The following CASKIN1 variants were observed in gnomAD, a reference collection of about 807,000 sequenced individuals.
CASKIN1 encodes CASK interacting protein 1, also known as caskin-1.
A neutral mutation model predicts 117.5 loss-of-function variants in CASKIN1; 42 were observed. The ratio of observed to expected loss-of-function variants is 0.36; its 90% CI spans 0.28 to 0.46. The LOEUF (loss-of-function observed/expected upper bound fraction) is 0.46, where lower values mean the gene tolerates loss of function less well. Among genes scored for constraint, CASKIN1 ranks in the 20% least tolerant of loss-of-function variants. CASKIN1 has a pLI of 1.00. For missense variants in CASKIN1, 2,083 were observed against 2,077.3 expected (o/e 1.00, Z -0.05); for synonymous variants, 1,148 against 961.7 (o/e 1.19, Z -3.59).
In CASKIN1 at chr16:2,190,481, A is replaced by C. The variant is rs796193327; in HGVS notation, c.95-123T>G. On this transcript the variant is annotated intron_variant, in intron 1 of 19. Coordinates refer to ENST00000343516, the MANE Select transcript of CASKIN1 (RefSeq NM_020764.4). Reference sequence around the variant, plus strand: ...CAAAGCTGCTGGGCTCTCAGTCTGCAGACACTCACTCGTCCACTCGTGCAC... The same window carrying C: ...CAAAGCTGCTGGGCTCTCAGTCTGCCGACACTCACTCGTCCACTCGTGCAC... 4.7e-6 allele frequency: 4 copies of C among 859,748 alleles called. No individual in the cohort carries two copies. In the South Asian group the frequency reaches 6.1e-5, roughly 13 times the overall value. The allele number at this position is 859,748 out of a possible 1,614,324, so 53.3% of individuals were successfully genotyped here.
At chr16:2,194,372 G>C (rs1280730954) in intron 1 of CASKIN1, among the ~76,000 whole-genome samples, 1 of 152,162 alleles carries the variant, frequency 6.6e-6, no homozygotes, top group African/African-American at 2.4e-5. Context: ...GTGTGCGTGC[G>C]GGCACGGGAG....
chr16:2,189,565 C>CT lies in CASKIN1; in HGVS notation c.245-2dup. 6.3e-7 allele frequency: 1 copy of CT among 1,598,576 alleles called. No individual in the cohort carries two copies. The highest frequency in any genetic ancestry group is 8.5e-7 in the Non-Finnish European group (1 of 1,173,808). On this transcript the variant is annotated splice_acceptor_variant, in intron 3 of 19. Coordinates refer to ENST00000343516, the MANE Select transcript of CASKIN1 (RefSeq NM_020764.4). LOFTEE classifies it high-confidence loss of function. ...GCCGCATAGTGCAGCGGCCGCATGCCTGGGGGGCGAGGGGATGCTGGGAGC... is the reference window on the plus strand; with the variant it reads ...GCCGCATAGTGCAGCGGCCGCATGCCTTGGGGGGCGAGGGGATGCTGGGAGC...
rs753355500 is a variant in CASKIN1 at position 2,184,887 on chromosome 16, G to T, written c.1325-19C>A. ...GCCACACCTGAGGACGAGAGTGGGT[G>T]GGGGACAAGGGCTGTCGGGCTGCTT... On this transcript the variant is annotated intron_variant, in intron 13 of 19. Coordinates refer to ENST00000343516, the MANE Select transcript of CASKIN1 (RefSeq NM_020764.4). 5.1e-6 allele frequency: 8 copies of T among 1,575,796 alleles called. No individual in the cohort carries two copies. The highest frequency in any genetic ancestry group is 1.8e-5 in the Admixed American group (1 of 55,322).
chr16:2,180,184 G>T lies in CASKIN1; in HGVS notation c.3184C>A (p.Arg1062=). 7 of 1,550,222 alleles carry T rather than the reference G, an allele frequency of 4.5e-6. No homozygotes were observed. Among genetic ancestry groups the T allele is most frequent in the Non-Finnish European group, 3.5e-6 (4 of 1,147,702 alleles). Residue 1062 remains arginine (R), a synonymous_variant, in exon 18 of 20, where the codon CGG becomes AGG. Transcript: ENST00000343516. ...AIGPGGEVVN[R]RRTLSGPVTG... ...ACTGGCCCGCTGAGCGTGCGGCGCC[G>T]GTTCACCACCTCCCCGCCAGGCCCG...
At position 2,190,177 on chromosome 16, in the gene CASKIN1, C is replaced by A. The variant is rs200816030; in HGVS notation, c.147-7G>T. On this transcript the variant is annotated splice_region_variant and splice_polypyrimidine_tract_variant and intron_variant, in intron 2 of 19. Transcript: ENST00000343516. ...ATGGTGCAGAGCCGAGAAGCTGGCACGTGCAGAGGACACATAGAGCAGAGG... is the reference window on the plus strand; with the variant it reads ...ATGGTGCAGAGCCGAGAAGCTGGCAAGTGCAGAGGACACATAGAGCAGAGG... The A allele has an allele frequency of 3.1e-6, 5 of 1,612,734 alleles. No individual in the cohort carries two copies. In the South Asian group the frequency reaches 4.4e-5, roughly 14 times the overall value.
rs766047754 is a variant in CASKIN1, at chr16:2,179,759, G to A, written c.3609C>T (p.Thr1203=). The change falls in exon 18 of 20, where the codon ACC becomes ACT. Residue 1203 remains threonine, a synonymous_variant. Coordinates refer to ENST00000343516, the MANE Select transcript of CASKIN1 (RefSeq NM_020764.4). This position sits in a 1 kb window ranked among gnomAD's most constrained non-coding sequence, Gnocchi z 5.8. The part of the protein sequence containing the change: ...PPPPPAEPPP[T]DLAHLPPLPP... ...GCAATGGGGGTAGGTGCGCCAGGTC[G>A]GTGGGCGGGGGTTCGGCAGGCGGGG... 30 of 1,562,238 alleles carry A rather than the reference G, an allele frequency of 1.9e-5. No individual in the cohort carries two copies. The East Asian group carries it at 7.0e-4, about 37-fold the overall frequency.
chr16:2,188,859 C>T (rs1205528136), intron 6 of CASKIN1, 168 bp downstream of exon 6: 3 of 949,330 alleles, frequency 3.2e-6, no homozygotes, highest in Non-Finnish European at 4.6e-6. Flanking sequence ...GCCCCTGCAG[C>T]TCATCCTGTA....
chr16:2,195,219 G>C (rs962531647), intron 1 of CASKIN1, among the ~76,000 whole-genome samples: 1 of 152,220 alleles, frequency 6.6e-6, no homozygotes, highest in African/African-American at 2.4e-5. Context: ...ACAGGAGCTA[G>C]CCAGTCATGG....
chr16:2,185,685 G>A (rs1209304770), intron 10 of CASKIN1, among the ~76,000 whole-genome samples: 1 of 152,242 alleles, frequency 6.6e-6, no homozygotes, highest in Non-Finnish European at 1.5e-5. Flanking sequence ...TCTCTGTACT[G>A]GGGAGTGGGG....
intron 1 of CASKIN1, among the ~76,000 whole-genome samples, chr16:2,190,743 G>A (rs991205516): frequency 6.6e-6 from 1 of 152,206 alleles, no homozygotes; most frequent in African/African-American, 2.4e-5. Context: ...GAGAGAGCCG[G>A]CCCAATCTGT....
Position 2,181,228 on chromosome 16 carries a change from G to A in CASKIN1, c.2140C>T (p.Pro714Ser), listed in dbSNP as rs758777566. 64 of 1,593,638 alleles carry A rather than the reference G, an allele frequency of 4.0e-5. No homozygotes were observed. The highest frequency in any genetic ancestry group is 4.7e-5 in the Non-Finnish European group (55 of 1,176,848). ...GACATGGGGCTGCTGGGCCCAGGGG[G>A]CCCATCTCCCAGCAGCTCCTGCGAG... Reference protein sequence around the residue: ...SSSQELLGDGPPGPSSPMSRS... With the variant: ...SSSQELLGDGSPGPSSPMSRS... Residue 714 changes from proline (P) to serine (S), a missense_variant, in exon 18 of 20, where the codon CCC becomes TCC. Pro to Ser is a moderately conservative substitution (Grantham distance 74). Transcript: ENST00000343516.
intron 16 of CASKIN1, 57 bp downstream of exon 16, chr16:2,183,589 G>C (rs968888570): frequency 3.4e-6 from 5 of 1,457,346 alleles, no homozygotes; most frequent in Non-Finnish European, 2.8e-6. Flanking sequence ...CAGGTTCTCT[G>C]TCTGTCTGTC....
chr16:2,183,619 C>T (rs1381358147), intron 16 of CASKIN1, 27 bp downstream of exon 16: 2 of 1,608,668 alleles, frequency 1.2e-6, no homozygotes, highest in Non-Finnish European at 1.7e-6. Context: ...GTCCTGGGCC[C>T]AGCCCCTGGG....
chr16:2,182,514 T>C lies in CASKIN1; in HGVS notation c.1630-585A>G, dbSNP rs1473063766. On this transcript the variant is annotated intron_variant, in intron 16 of 19. Coordinates refer to ENST00000343516, the MANE Select transcript of CASKIN1 (RefSeq NM_020764.4). The surrounding 1 kb of genome is among the most constrained non-coding windows in gnomAD (Gnocchi z 4.1). ...CACACTTCCAGCTGGAATTCACTCA[T>C]GCAACTGCTCTTGAACACTCAGCCA... is the stretch of plus-strand genomic sequence containing the variant. Among the ~76,000 whole-genome samples the C allele has an allele frequency of 3.3e-5, 5 of 151,128 alleles. No individual in the cohort carries two copies. The highest frequency in any genetic ancestry group is 1.2e-4 in the African/African-American group (5 of 41,062).
In CASKIN1 at chr16:2,180,323, A is replaced by G. The variant is rs1172075674; in HGVS notation, c.3045T>C (p.Gly1015=). Residue 1015 remains glycine (G), a synonymous_variant, in exon 18 of 20, where the codon GGT becomes GGC. Transcript: ENST00000343516. ...GAGGCCTGCGGGCAGCCCGGCCCCC[A>G]CCCCCAATGGAGGACAGCTCCAGCA... ...AAMLELSSIG[G]GGRAARRPPE... 1.9e-6 allele frequency: 3 copies of G among 1,595,900 alleles called. No homozygotes were observed. The African/African-American group carries it at 4.0e-5, about 21-fold the overall frequency.
At position 2,196,473 on chromosome 16, in the gene CASKIN1, C is replaced by G; in HGVS notation, c.-41G>C. On this transcript the variant is annotated 5_prime_UTR_variant, in exon 1 of 20. Transcript: ENST00000343516. The surrounding 1 kb of genome is among the most constrained non-coding windows in gnomAD (Gnocchi z 5.7). ...GCAGCGACGCGGCTGCGCTCGTGAG[C>G]TCGGCGCGGCTCAGAGGCGGCGGCG... is the stretch of plus-strand genomic sequence containing the variant. The G allele has an allele frequency of 1.9e-6, 2 of 1,034,956 alleles. No individual in the cohort carries two copies. The highest frequency in any genetic ancestry group is 2.3e-6 in the Non-Finnish European group (2 of 851,120). 64.1% of individuals were successfully genotyped at this position (1,034,956 alleles called of 1,614,324 possible).
intron 19 of CASKIN1, 119 bp downstream of exon 19, chr16:2,178,783 G>C (rs1472596819): frequency 6.8e-6 from 9 of 1,332,206 alleles, no homozygotes; most frequent in Non-Finnish European, 8.8e-6. Flanking sequence ...CCCCGCTCAC[G>C]GCACGCCCAT....
At position 2,186,839 on chromosome 16, in the gene CASKIN1, G is replaced by C; in HGVS notation, c.931-15C>G. 1 of 1,611,326 alleles carries C rather than the reference G, an allele frequency of 6.2e-7. No homozygotes were observed. The highest frequency in any genetic ancestry group is 8.5e-7 in the Non-Finnish European group (1 of 1,178,584). ...TGCTCGAGGACCTGGCCAGTAAGGTGGGGGGCGCTCAGGGAGATGCCCCCT... is the reference window on the plus strand; with the variant it reads ...TGCTCGAGGACCTGGCCAGTAAGGTCGGGGGCGCTCAGGGAGATGCCCCCT... On this transcript the variant is annotated splice_polypyrimidine_tract_variant and intron_variant, in intron 9 of 19. Coordinates refer to ENST00000343516, the MANE Select transcript of CASKIN1 (RefSeq NM_020764.4).
intron 14 of CASKIN1, among the ~76,000 whole-genome samples, chr16:2,184,155 T>G (rs980754161): frequency 9.6e-5 from 14 of 145,432 alleles, no homozygotes; most frequent in Middle Eastern, 6.8e-3. Context: ...CCCTTCCGCC[T>G]TCTTCTGGGA....
Sources: allele counts gnomAD v4.1 joint callset (sites outside exome capture counted in the v4.1 genomes callset), GRCh38; gene constraint gnomAD v4.1.1; non-coding constraint Gnocchi (gnomAD v3.1); transcripts MANE v1.5; gene names NCBI Gene and HGNC (gene_info 2026-07-23, HGNC 2026-07-21).